CELF6: variants seen among roughly 807,000 people sequenced by gnomAD.
CELF6 encodes CUGBP Elav-like family member 6, also known as Bruno -like 6, RNA binding protein.
In CELF6, 32 loss-of-function variants were observed where a neutral mutation model predicts 53.1. The ratio of observed to expected loss-of-function variants is 0.60; its 90% CI spans 0.46 to 0.81. CELF6 has a LOEUF of 0.81. Ranked by LOEUF, CELF6 falls within the 30% of genes least tolerant of loss-of-function variation. CELF6 has a pLI of 0.00. For synonymous variants in CELF6, 291 were observed against 288.8 expected (o/e 1.01, Z -0.08); for missense variants, 539 against 669.5 (o/e 0.81, Z 2.15).
rs185971674 is a variant in CELF6, at chr15:72,312,195, G to A, written c.345+3650C>T. Among the ~76,000 whole-genome samples the A allele has an allele frequency of 1.5e-4, 23 of 152,334 alleles. No homozygotes were observed. The East Asian group carries it at 3.7e-3, about 24-fold the overall frequency. The stretch of plus-strand genomic sequence containing the variant: ...CTTCATCAGGAAGAGGCTGCAGGAG[G>A]TGGGAGCCAGGTGGGACAGACCAAC... On this transcript the variant is annotated intron_variant, in intron 2 of 12. Transcript: ENST00000287202.
In CELF6 at chr15:72,319,993, G is replaced by A; in HGVS notation, c.-119C>T. ...GCGGAGCCCGGGCGGAGAGGGCGGG[G>A]GGCTGCCCAGGGGGCGGGGTCCGGG... On this transcript the variant is annotated 5_prime_UTR_variant, in exon 1 of 13. Coordinates refer to ENST00000287202, the MANE Select transcript of CELF6 (RefSeq NM_052840.5). The surrounding 1 kb of genome is among the most constrained non-coding windows in gnomAD (Gnocchi z 5.0). The A allele has an allele frequency of 1.7e-6, 2 of 1,174,610 alleles. No individual in the cohort carries two copies. The allele number at this position is 1,174,610 out of a possible 1,614,324, so 72.8% of individuals were successfully genotyped here. A position where few individuals can be genotyped will look rare whatever the true frequency, so the allele number is the denominator to read the frequency against.
intron 2 of CELF6, among the ~76,000 whole-genome samples, chr15:72,311,653 C>A (rs1407485625): frequency 1.3e-5 from 2 of 152,178 alleles, no homozygotes; most frequent in Admixed American, 6.5e-5. Context: ...CCGCCCGCCT[C>A]AGCCTCCCAA....
At position 72,287,753 on chromosome 15, in the gene CELF6, G is replaced by A. The variant is rs533347468; in HGVS notation, c.1319-361C>T. Among the ~76,000 whole-genome samples the A allele has an allele frequency of 1.1e-4, 17 of 152,274 alleles. No individual in the cohort carries two copies. In the South Asian group the frequency reaches 1.9e-3, roughly 17 times the overall value. ...CTCAGAACCAGACTCCTCCTGCCCTGGCCAGACTCCAAAGCTCTGACCTAG... is the reference window on the plus strand; with the variant it reads ...CTCAGAACCAGACTCCTCCTGCCCTAGCCAGACTCCAAAGCTCTGACCTAG... On this transcript the variant is annotated intron_variant, in intron 11 of 12. Coordinates refer to ENST00000287202, the MANE Select transcript of CELF6 (RefSeq NM_052840.5).
At chr15:72,316,183 T>A (rs964268996) in intron 1 of CELF6, among the ~76,000 whole-genome samples, 2 of 152,148 alleles carry the variant, frequency 1.3e-5, no homozygotes, top group Admixed American at 6.5e-5. Flanking sequence ...CCCAGTCACA[T>A]GTGCATACAA....
chr15:72,290,854 C>T (rs1181808935), intron 3 of CELF6, among the ~76,000 whole-genome samples: 1 of 152,198 alleles, frequency 6.6e-6, no homozygotes, highest in Non-Finnish European at 1.5e-5. Context: ...TCCTTACCCT[C>T]TGCACCACAT....
intron 3 of CELF6, among the ~76,000 whole-genome samples, chr15:72,297,637 C>T (rs2088098346): frequency 6.6e-6 from 1 of 152,190 alleles, no homozygotes; most frequent in Non-Finnish European, 1.5e-5. Context: ...TGAAATAAGC[C>T]AGTCACAAAA....
At chr15:72,305,842 G>A (rs991077267) in intron 2 of CELF6, among the ~76,000 whole-genome samples, 5 of 148,244 alleles carry the variant, frequency 3.4e-5, no homozygotes, top group South Asian at 2.1e-4. Flanking sequence ...ACACCCAAAC[G>A]AGAGCTCATT....
chr15:72,304,076 G>A (rs187547185), intron 3 of CELF6, among the ~76,000 whole-genome samples: 30 of 152,196 alleles, frequency 2.0e-4, no homozygotes, highest in African/African-American at 6.7e-4. Flanking sequence ...TCACCATGTT[G>A]CCCAGGCTGG....
intron 3 of CELF6, among the ~76,000 whole-genome samples, chr15:72,300,575 T>G (rs1257658106): frequency 6.6e-6 from 1 of 152,206 alleles, no homozygotes; most frequent in Non-Finnish European, 1.5e-5. Flanking sequence ...GGCTCACACC[T>G]GTAATCCCAG....
At chr15:72,293,547 A>G (rs762379235) in intron 3 of CELF6, among the ~76,000 whole-genome samples, 45 of 152,194 alleles carry the variant, frequency 3.0e-4, no homozygotes, top group Admixed American at 4.6e-4. Flanking sequence ...AATATCAAAC[A>G]TGGACGCTCA....
chr15:72,313,697 G>C, intron 2 of CELF6: 2 of 931,604 alleles, frequency 2.1e-6, no homozygotes, highest in South Asian at 9.9e-5. Context: ...TTACCATGCT[G>C]TTTCCCACAT....
rs1460510077 is a variant in CELF6 at position 72,319,869 on chromosome 15, G to A, written c.6C>T (p.Ala2=). 8.7e-6 allele frequency: 13 copies of A among 1,493,828 alleles called. No homozygotes were observed. The highest frequency in any genetic ancestry group is 1.2e-5 in the Non-Finnish European group (13 of 1,122,250). The allele number at this position is 1,493,828 out of a possible 1,614,324, so 92.5% of individuals were successfully genotyped here. A position where few individuals can be genotyped will look rare whatever the true frequency, so the allele number is the denominator to read the frequency against. Residue 2 remains alanine, a synonymous_variant, in exon 1 of 13, where the codon GCC becomes GCT. Coordinates refer to ENST00000287202, the MANE Select transcript of CELF6 (RefSeq NM_052840.5). The surrounding 1 kb of genome is among the most constrained non-coding windows in gnomAD (Gnocchi z 5.0). M[A]AAPGGSAQPA... ...GCTGCGCTGACCCTCCCGGCGCCGC[G>A]GCCATGTCCCCGCCCTGTCAGCCCT...
At position 72,285,732 on chromosome 15, in the gene CELF6, A is replaced by G. The variant is rs2087913234; in HGVS notation, c.*639T>C. On this transcript the variant is annotated 3_prime_UTR_variant, in exon 13 of 13. Coordinates refer to ENST00000287202, the MANE Select transcript of CELF6 (RefSeq NM_052840.5). ...GGTTCACTGCTTCCATAACGTTCTCATTACCTGCATGTGAGCCTAGACCTC... is the reference window on the plus strand; with the variant it reads ...GGTTCACTGCTTCCATAACGTTCTCGTTACCTGCATGTGAGCCTAGACCTC... 6.6e-6 allele frequency: 1 copy of G among 152,552 alleles called. No individual in the cohort carries two copies. The highest frequency in any genetic ancestry group is 1.5e-5 in the Non-Finnish European group (1 of 68,052). 9.4% of individuals were successfully genotyped at this position (152,552 alleles called of 1,614,324 possible). A position where few individuals can be genotyped will look rare whatever the true frequency, so the allele number is the denominator to read the frequency against.
rs1249560209 is a variant in CELF6 at position 72,319,900 on chromosome 15, C to G, written c.-26G>C. 1.4e-6 allele frequency: 2 copies of G among 1,442,614 alleles called. No homozygotes were observed. The highest frequency in any genetic ancestry group is 5.4e-5 in the Admixed American group (2 of 37,048). 89.4% of individuals were successfully genotyped at this position (1,442,614 alleles called of 1,614,324 possible). A position where few individuals can be genotyped will look rare whatever the true frequency, so the allele number is the denominator to read the frequency against. ...GTCCCCGCCCTGTCAGCCCTCCCGC[C>G]GGTCCCACTGGTCCCGCCTGTCCCG... is the stretch of plus-strand genomic sequence containing the variant. On this transcript the variant is annotated 5_prime_UTR_variant, in exon 1 of 13. Coordinates refer to ENST00000287202, the MANE Select transcript of CELF6 (RefSeq NM_052840.5). This position sits in a 1 kb window ranked among gnomAD's most constrained non-coding sequence, Gnocchi z 5.0.
chr15:72,311,163 T>C (rs2088288927), intron 2 of CELF6, among the ~76,000 whole-genome samples: 1 of 151,864 alleles, frequency 6.6e-6, no homozygotes, highest in Non-Finnish European at 1.5e-5. Flanking sequence ...TATTTTTATT[T>C]TGTATTTTTG....
Position 72,288,343 on chromosome 15 carries a change from A to G in CELF6, c.1283T>C (p.Phe428Ser). The change falls in exon 11 of 13, where the codon TTT becomes TCT. Residue 428 changes from phenylalanine (F) to serine (S), a missense_variant. Physicochemically the swap from Phe to Ser is radical, Grantham distance 155 (BLOSUM62 -2). This residue lies in a region of CELF6 where 358 missense variants were observed against 412.8 expected (regional missense o/e 0.87). Transcript: ENST00000287202. This position sits in a 1 kb window ranked among gnomAD's most constrained non-coding sequence, Gnocchi z 4.6. ...GCTCTGGTTGGTGGCTCGATCCACA[A>G]AGACTTTAGCAGAGACAACGGCTCC... The part of the protein sequence containing the change: ...PFGAVVSAKV[F>S]VDRATNQSKC... 6.2e-7 allele frequency: 1 copy of G among 1,614,196 alleles called. No homozygotes were observed. Among genetic ancestry groups the G allele is most frequent in the Non-Finnish European group, 8.5e-7 (1 of 1,180,032 alleles).
chr15:72,294,083 C>T (rs927760098), intron 3 of CELF6, among the ~76,000 whole-genome samples: 2 of 152,154 alleles, frequency 1.3e-5, no homozygotes, highest in African/African-American at 4.8e-5. Flanking sequence ...TCATATAGGT[C>T]AGGGATTCGA....
chr15:72,294,120 C>T (rs1441344671), intron 3 of CELF6, among the ~76,000 whole-genome samples: 1 of 152,130 alleles, frequency 6.6e-6, no homozygotes, highest in Non-Finnish European at 1.5e-5. Context: ...GGTTGACATC[C>T]CAGTAATCAT....
rs370522778 is a variant in CELF6 at position 72,319,647 on chromosome 15, C to A, written c.228G>T (p.Thr76=). The A allele has an allele frequency of 1.9e-5, 30 of 1,570,656 alleles. No individual in the cohort carries two copies. Among genetic ancestry groups the A allele is most frequent in the Non-Finnish European group, 2.2e-5 (26 of 1,157,108 alleles). The part of the protein sequence containing the change: ...FEEFGRIYEL[T]VLKDRLTGLH... The stretch of plus-strand genomic sequence containing the variant: ...GGCCGGTGAGCCGGTCCTTCAGCAC[C>A]GTCAGCTCGTAGATGCGGCCGAACT... Residue 76 remains threonine, a synonymous_variant, in exon 1 of 13, where the codon ACG becomes ACT. Coordinates refer to ENST00000287202, the MANE Select transcript of CELF6 (RefSeq NM_052840.5). This position sits in a 1 kb window ranked among gnomAD's most constrained non-coding sequence, Gnocchi z 5.0.
Sources: gnomAD v4.1 joint callset for allele counts (sites outside exome capture counted in the v4.1 genomes callset) on GRCh38, gnomAD v4.1.1 for gene constraint, gnomAD v4.1.1 regional missense constraint, Gnocchi (gnomAD v3.1) non-coding constraint, MANE v1.5 for transcripts, NCBI Gene and HGNC (gene_info 2026-07-23, HGNC 2026-07-21) for gene names.